MID1: variants seen among roughly 807,000 people sequenced by gnomAD.
MID1 encodes E3 ubiquitin-protein ligase Midline-1.
A neutral mutation model predicts 40.4 loss-of-function variants in MID1; 7 were observed. That is an observed-to-expected ratio of 0.17 (90% confidence interval 0.10 to 0.33). The LOEUF (loss-of-function observed/expected upper bound fraction) is 0.33, where lower values mean the gene tolerates loss of function less well. MID1 is among the 10% of genes least tolerant of loss of function. The pLI is 1.00. For synonymous variants in MID1, 229 were observed against 221.2 expected (o/e 1.04, Z -0.31); for missense variants, 367 against 558.5 (o/e 0.66, Z 3.46).
chrX:10,643,229 C>A (rs1698984532), intron 1 of MID1, among the ~76,000 whole-genome samples: 1 of 111,035 alleles, frequency 9.0e-6, no homozygotes, highest in Non-Finnish European at 1.9e-5. Context: ...GAACAGGCAA[C>A]CTACAGAATG....
chrX:10,680,220 G>A (rs1371845046), intron 1 of MID1, among the ~76,000 whole-genome samples: 1 of 111,843 alleles, frequency 8.9e-6, no homozygotes, highest in Non-Finnish European at 1.9e-5. Flanking sequence ...GAATTATTTA[G>A]CCTTCAGAGA....
chrX:10,708,760 G>T (rs1303250706), intron 1 of MID1, among the ~76,000 whole-genome samples: 1 of 111,725 alleles, frequency 9.0e-6, no homozygotes, highest in African/African-American at 3.2e-5. Context: ...TATTTAGCTG[G>T]TTCTCAGAAA....
At chrX:10,543,939 G>A (rs1485527730) in intron 2 of MID1, among the ~76,000 whole-genome samples, 2 of 110,798 alleles carry the variant, frequency 1.8e-5, no homozygotes, top group Non-Finnish European at 3.8e-5. Context: ...CCAGGAGGTG[G>A]AGGTTGCAGT....
At chrX:10,737,506 G>A (rs1022897595) in intron 1 of MID1, among the ~76,000 whole-genome samples, 2 of 111,815 alleles carry the variant, frequency 1.8e-5, no homozygotes, top group African/African-American at 6.5e-5. Context: ...AAATATCACA[G>A]AAGGTCCATG....
chrX:10,449,677 A>G lies in MID1; in HGVS notation c.1695T>C (p.His565=), dbSNP rs902247260. 7.4e-6 allele frequency: 9 copies of G among 1,209,625 alleles called. No homozygotes were observed. The highest frequency in any genetic ancestry group is 1.8e-5 in the South Asian group (1 of 56,736). Reference sequence around the variant, plus strand: ...AAGCAGAGTTCTTCCCAATCCATTCATGCTTCGGGGCTGATTTGTAAGCAA... The same window carrying G: ...AAGCAGAGTTCTTCCCAATCCATTCGTGCTTCGGGGCTGATTTGTAAGCAA... ...IGLAYKSAPK[H]EWIGKNSASW... The change falls in exon 10 of 10, where the codon CAT becomes CAC. Residue 565 remains histidine (H), a synonymous_variant. Coordinates refer to ENST00000317552, the MANE Select transcript of MID1 (RefSeq NM_000381.4).
chrX:10,826,945 C>G (rs2044220281), intron 1 of MID1, among the ~76,000 whole-genome samples: 2 of 111,781 alleles, frequency 1.8e-5, no homozygotes, highest in South Asian at 7.6e-4. Context: ...TTCCTCTACT[C>G]TCATCCTTAT....
chrX:10,565,807 ATT>A (rs1172327892), intron 2 of MID1, among the ~76,000 whole-genome samples: 990 of 86,937 alleles, frequency 0.011, 14 homozygotes, highest in African/African-American at 0.04. Flanking sequence ...TTAGAGAGTG[ATT>A]TTTTTTTTTT....
At chrX:10,701,463 T>C (rs745383594) in intron 1 of MID1, among the ~76,000 whole-genome samples, 1 of 111,871 alleles carries the variant, frequency 8.9e-6, no homozygotes, top group East Asian at 2.8e-4. Context: ...AAATACACAA[T>C]GATGCCATTC....
intron 8 of MID1, among the ~76,000 whole-genome samples, chrX:10,459,121 C>A (rs773613211): frequency 2.7e-5 from 3 of 110,949 alleles, no homozygotes. Context: ...CCGGTAGCAT[C>A]CACCTCAGAT....
At chrX:10,576,547 C>T (rs1282067816) in intron 1 of MID1, among the ~76,000 whole-genome samples, 1 of 111,486 alleles carries the variant, frequency 9.0e-6, no homozygotes, top group Non-Finnish European at 1.9e-5. Flanking sequence ...TTTATACAAG[C>T]AGACAAGCAC....
At chrX:10,450,829 T>C (rs1310923879) in intron 9 of MID1, among the ~76,000 whole-genome samples, 1 of 112,204 alleles carries the variant, frequency 8.9e-6, no homozygotes. Context: ...TCTGTAATAT[T>C]CATCGTATTT....
At chrX:10,464,727 T>G (rs1299824841) in intron 7 of MID1, among the ~76,000 whole-genome samples, 3 of 111,993 alleles carry the variant, frequency 2.7e-5, no homozygotes, top group Non-Finnish European at 3.8e-5. Context: ...TCAGCAGGGC[T>G]TCCTAGTTGA....
At chrX:10,609,106 T>C (rs1303987145) in intron 1 of MID1, among the ~76,000 whole-genome samples, 1 of 111,768 alleles carries the variant, frequency 8.9e-6, no homozygotes, top group Non-Finnish European at 1.9e-5. Context: ...AGCAACAAAT[T>C]AGTTTTCTTA....
intron 1 of MID1, among the ~76,000 whole-genome samples, chrX:10,704,716 G>GTA (rs771605675): frequency 0.32 from 24,947 of 77,348 alleles, 3,597 homozygotes; most frequent in East Asian, 0.57. Flanking sequence ...GTGTGTGTGT[G>GTA]TATATATATA....
At chrX:10,627,722 T>TAA in intron 1 of MID1, among the ~76,000 whole-genome samples, 1 of 112,165 alleles carries the variant, frequency 8.9e-6, no homozygotes, top group Non-Finnish European at 1.9e-5. Context: ...AAATTAGTCT[T>TAA]AGAGATTAAA....
At chrX:10,683,041 A>G (rs1441819133) in intron 1 of MID1, among the ~76,000 whole-genome samples, 2 of 111,544 alleles carry the variant, frequency 1.8e-5, no homozygotes, top group Non-Finnish European at 3.8e-5. Flanking sequence ...AACAGTAATC[A>G]GCTTTTAGTC....
chrX:10,693,193 C>CTT (rs758493757), intron 1 of MID1, among the ~76,000 whole-genome samples: 14 of 93,326 alleles, frequency 1.5e-4, no homozygotes, highest in African/African-American at 2.4e-4. Flanking sequence ...GGTGTTTTAA[C>CTT]TTTTTTTTTT....
intron 1 of MID1, among the ~76,000 whole-genome samples, chrX:10,657,319 C>T (rs1334135222): frequency 8.9e-6 from 1 of 111,734 alleles, no homozygotes; most frequent in Admixed American, 9.5e-5. Flanking sequence ...GAAATTTTGT[C>T]TCAAGGTCTG....
At chrX:10,538,161 C>A (rs892985567) in intron 2 of MID1, among the ~76,000 whole-genome samples, 5 of 110,622 alleles carry the variant, frequency 4.5e-5, no homozygotes, top group African/African-American at 1.6e-4. Context: ...TTGGTAGAGA[C>A]GAGGTTTCGC....
Sources: allele counts gnomAD v4.1 joint callset (sites outside exome capture counted in the v4.1 genomes callset), GRCh38; gene constraint gnomAD v4.1.1; transcripts MANE v1.5; gene names NCBI Gene and HGNC (gene_info 2026-07-23, HGNC 2026-07-21).